TBC1D32: variants seen among roughly 807,000 people sequenced by gnomAD.
The protein encoded by TBC1D32 is protein broad-minded.
TBC1D32 carries 151 observed loss-of-function variants against 170.3 expected under a neutral mutation model. That is an observed-to-expected ratio of 0.89 (90% CI 0.78 to 1.01). TBC1D32 has a LOEUF of 1.01. TBC1D32 is among the 50% of genes least tolerant of loss of function. The pLI is 0.00. For synonymous variants in TBC1D32, 498 were observed against 488.0 expected (o/e 1.02, Z -0.27); for missense variants, 1,464 against 1,457.1 (o/e 1.00, Z -0.08).
intron 20 of TBC1D32, among the ~76,000 whole-genome samples, chr6:121,230,289 C>T (rs941234053): frequency 2.0e-5 from 3 of 152,132 alleles, no homozygotes; most frequent in African/African-American, 7.2e-5. Flanking sequence ...ACTAATTAAA[C>T]ATACGGATGC....
At chr6:121,243,472 T>C (rs1248753226) in intron 17 of TBC1D32, among the ~76,000 whole-genome samples, 1 of 111,332 alleles carries the variant, frequency 9.0e-6, no homozygotes, top group African/African-American at 3.3e-5. Context: ...ATTCCTTTCC[T>C]AAATAAAAGA....
chr6:121,139,580 T>C (rs1440660039), intron 24 of TBC1D32, among the ~76,000 whole-genome samples: 1 of 152,060 alleles, frequency 6.6e-6, no homozygotes, highest in East Asian at 1.9e-4. Context: ...TTAAACAAAA[T>C]CAGTATAGAT....
At chr6:121,090,129 T>C (rs1305069006) in intron 31 of TBC1D32, among the ~76,000 whole-genome samples, 2 of 152,152 alleles carry the variant, frequency 1.3e-5, no homozygotes, top group Non-Finnish European at 2.9e-5. Flanking sequence ...AGACGGGGTT[T>C]CACCGTGTTA....
intron 29 of TBC1D32, among the ~76,000 whole-genome samples, chr6:121,108,660 T>TA (rs111320337): frequency 0.032 from 4,791 of 151,298 alleles, 103 homozygotes; most frequent in Middle Eastern, 0.095. Context: ...GATTTATGCT[T>TA]AAAAAAAAAC....
At position 121,131,686 on chromosome 6, in the gene TBC1D32, T is replaced by C. The variant is rs550998385; in HGVS notation, c.2840A>G (p.Asn947Ser). The C allele has an allele frequency of 2.2e-5, 36 of 1,611,338 alleles. No individual in the cohort carries two copies. The highest frequency in any genetic ancestry group is 3.0e-5 in the Non-Finnish European group (35 of 1,178,596). The change falls in exon 25 of 32, where the codon AAC becomes AGC. Residue 947 changes from asparagine (N) to serine (S), a missense_variant. By Grantham distance (46) the Asn-to-Ser change is conservative. Around this residue, in one of 3 missense-constraint regions of TBC1D32, gnomAD observed 1,363 missense variants for 1,338.1 expected, o/e 1.02. Transcript: ENST00000398212. ...CATTTTGCAAAATTGTCTTTGGCAG[T>C]TTTCTATCCATTCAGTTTGTTTATC... ...ISDKQTEWIE[N>S]CQRQFCKMMK...
At chr6:121,266,614 T>C (rs116042795) in intron 15 of TBC1D32, among the ~76,000 whole-genome samples, 1,624 of 152,246 alleles carry the variant, frequency 0.011, 36 homozygotes, top group African/African-American at 0.038. Flanking sequence ...CATGGACATG[T>C]ATGTTTACTG....
chr6:121,085,729 G>T (rs930928604), intron 31 of TBC1D32, among the ~76,000 whole-genome samples: 1 of 151,996 alleles, frequency 6.6e-6, no homozygotes, highest in African/African-American at 2.4e-5. Flanking sequence ...GGACCAGAGA[G>T]TTTATATAGT....
intron 15 of TBC1D32, among the ~76,000 whole-genome samples, chr6:121,268,464 T>C (rs185566246): frequency 1.3e-5 from 2 of 152,248 alleles, no homozygotes; most frequent in South Asian, 2.1e-4. Context: ...ACGTGACGCA[T>C]GCAAAAGCTT....
rs1785563445 is a variant in TBC1D32 at position 121,161,067 on chromosome 6, A to C, written c.2571-11T>G. On this transcript the variant is annotated splice_polypyrimidine_tract_variant and intron_variant, in intron 22 of 31. Transcript: ENST00000398212. ...TCAATTATAAAGTCCCTGAAAAAAT[A>C]AATATATCACCTTTGTCATCCTTTT... 2.5e-6 allele frequency: 4 copies of C among 1,570,066 alleles called. No individual in the cohort carries two copies. The South Asian group carries it at 3.4e-5, about 13-fold the overall frequency.
intron 19 of TBC1D32, among the ~76,000 whole-genome samples, chr6:121,239,421 T>A (rs1342070303): frequency 6.6e-6 from 1 of 152,124 alleles, no homozygotes; most frequent in African/African-American, 2.4e-5. Context: ...TGAGAGACAA[T>A]TTCCCTGGAA....
In TBC1D32 at chr6:121,194,400, T is replaced by C. The variant is rs558779556; in HGVS notation, c.2570+10675A>G. Among the ~76,000 whole-genome samples the C allele has an allele frequency of 1.4e-4, 22 of 152,276 alleles. 1 individual carries two copies. Among genetic ancestry groups the C allele is most frequent in the Middle Eastern group, 3.4e-3 (1 of 294 alleles). Reference sequence around the variant, plus strand: ...AAACAGTATCACATCCCTGCAGGGATTGCGGAGATTAGTGCCACCATGAAG... The same window carrying C: ...AAACAGTATCACATCCCTGCAGGGACTGCGGAGATTAGTGCCACCATGAAG... On this transcript the variant is annotated intron_variant, in intron 22 of 31. Coordinates refer to ENST00000398212, the MANE Select transcript of TBC1D32 (RefSeq NM_152730.6).
intron 22 of TBC1D32, chr6:121,170,311 A>G (rs1381116949): frequency 2.4e-6 from 3 of 1,241,682 alleles, no homozygotes; most frequent in African/African-American, 3.1e-5. Context: ...TAGAAAGCAG[A>G]AAAACATTAA....
rs60783883 is a variant in TBC1D32, at chr6:121,295,289, C to CAAAAA, written c.1141-634_1141-630dup. Among the ~76,000 whole-genome samples the CAAAAA allele has an allele frequency of 5.6e-4, 61 of 108,566 alleles. 1 individual carries two copies. The East Asian group carries it at 0.017, about 31-fold the overall frequency. The allele number at this position is 108,566 out of a possible 152,430, so 71.2% of individuals were successfully genotyped here. ...CATCGATGGCCTCTTATCCTAATTC[C>CAAAAA]AAAAAAAAAAAAAAAAAAGCCACCA... On this transcript the variant is annotated intron_variant, in intron 10 of 31. Transcript: ENST00000398212.
chr6:121,233,226 T>A (rs917171248), intron 20 of TBC1D32, among the ~76,000 whole-genome samples: 1 of 152,158 alleles, frequency 6.6e-6, no homozygotes, highest in African/African-American at 2.4e-5. Flanking sequence ...TTAAGTCCAT[T>A]TGTTCTACGG....
chr6:121,255,260 C>A (rs1457370933), intron 17 of TBC1D32, 68 bp downstream of exon 17: 1 of 965,072 alleles, frequency 1.0e-6, no homozygotes, highest in Non-Finnish European at 1.5e-6. Context: ...TATTCTATTA[C>A]ATTTTAATAA....
chr6:121,321,374 T>C (rs1563396836), intron 2 of TBC1D32, among the ~76,000 whole-genome samples: 1 of 152,086 alleles, frequency 6.6e-6, no homozygotes, highest in Non-Finnish European at 1.5e-5. Context: ...GAGAAAATGA[T>C]AAGAAATGGG....
chr6:121,141,025 T>C (rs1282900871), intron 24 of TBC1D32, among the ~76,000 whole-genome samples: 2 of 152,176 alleles, frequency 1.3e-5, no homozygotes, highest in African/African-American at 4.8e-5. Context: ...AAATCCAGCA[T>C]TGATTATTTA....
Position 121,112,284 on chromosome 6 carries a change from C to T in TBC1D32, c.3324+221G>A, listed in dbSNP as rs1779271028. ...ATCATGTTTCTACTTCATGAAAATG[C>T]TTCTAATATAAATCATTCAGTTACT... On this transcript the variant is annotated intron_variant, in intron 29 of 31. Transcript: ENST00000398212. The T allele has an allele frequency of 9.6e-6, 3 of 312,782 alleles. No individual in the cohort carries two copies. In the Admixed American group the frequency reaches 1.5e-4, roughly 15 times the overall value. 19.4% of individuals were successfully genotyped at this position (312,782 alleles called of 1,614,324 possible).
rs749656204 is a variant in TBC1D32, at chr6:121,160,936, C to A, written c.2679+12G>T. On this transcript the variant is annotated intron_variant, in intron 23 of 31. Coordinates refer to ENST00000398212, the MANE Select transcript of TBC1D32 (RefSeq NM_152730.6). ...GAAAAACACATCCCACTTCTCTTTG[C>A]CCCACACTCACCTTTTCGAGTAACC... 2 of 1,604,294 alleles carry A rather than the reference C, an allele frequency of 1.2e-6. No homozygotes were observed. Among genetic ancestry groups the A allele is most frequent in the South Asian group, 2.2e-5 (2 of 90,798 alleles).
Sources: gnomAD v4.1 joint callset for allele counts (sites outside exome capture counted in the v4.1 genomes callset) on GRCh38, gnomAD v4.1.1 for gene constraint, gnomAD v4.1.1 regional missense constraint, MANE v1.5 for transcripts, NCBI Gene and HGNC (gene_info 2026-07-23, HGNC 2026-07-21) for gene names.